GABBR2: variants seen among roughly 807,000 people sequenced by gnomAD.
GABBR2 encodes gamma-aminobutyric acid type B receptor subunit 2, also known as G-protein coupled receptor 51.
Under a neutral mutation model 105.6 loss-of-function variants are expected in GABBR2, and 23 were observed. The observed-to-expected ratio is 0.22, with a 90% CI of 0.16 to 0.31. GABBR2 has a LOEUF of 0.31. Ranked by LOEUF, GABBR2 falls within the 10% of genes least tolerant of loss-of-function variation. The probability of loss-of-function intolerance (pLI) is 1.00; values close to 1 mark genes in which losing one functional copy is unlikely to be tolerated. For missense variants in GABBR2, 734 were observed against 1,245.5 expected (o/e 0.59, Z 6.18); for synonymous variants, 478 against 499.7 (o/e 0.96, Z 0.58).
chr9:98,419,247 G>T (rs1234564391), intron 7 of GABBR2, among the ~76,000 whole-genome samples: 1 of 152,208 alleles, frequency 6.6e-6, no homozygotes, highest in African/African-American at 2.4e-5. Flanking sequence ...CTCAGAAAGG[G>T]TATCCTGCTG....
chr9:98,350,361 A>G (rs1035819090), intron 13 of GABBR2, among the ~76,000 whole-genome samples: 1 of 151,356 alleles, frequency 6.6e-6, no homozygotes, highest in African/African-American at 2.4e-5. Flanking sequence ...TACTTTTTTG[A>G]TGTGAGTGTT....
At chr9:98,539,378 G>A (rs958902771) in intron 3 of GABBR2, among the ~76,000 whole-genome samples, 25 of 152,200 alleles carry the variant, frequency 1.6e-4, no homozygotes, top group African/African-American at 5.8e-4. Context: ...TAGTTCCTAT[G>A]CAATTCCAGG....
chr9:98,487,756 T>C (rs998411449), intron 4 of GABBR2, among the ~76,000 whole-genome samples: 42 of 152,040 alleles, frequency 2.8e-4, no homozygotes, highest in African/African-American at 9.4e-4. Flanking sequence ...CCAGCCTGGG[T>C]TACAGAGTGA....
At chr9:98,397,374 G>A (rs547355337) in intron 8 of GABBR2, among the ~76,000 whole-genome samples, 46 of 152,068 alleles carry the variant, frequency 3.0e-4, no homozygotes, top group African/African-American at 9.9e-4. Context: ...CACCCATTAC[G>A]TGCCAGGCTC....
At chr9:98,304,631 T>C (rs7848116) in intron 15 of GABBR2, among the ~76,000 whole-genome samples, 74,055 of 152,080 alleles carry the variant, frequency 0.49, 21,398 homozygotes, top group African/African-American at 0.8. Flanking sequence ...TGACTGCATG[T>C]CCAGGAGGAT....
chr9:98,391,067 C>T (rs993298271), intron 9 of GABBR2, among the ~76,000 whole-genome samples: 1 of 152,144 alleles, frequency 6.6e-6, no homozygotes, highest in African/African-American at 2.4e-5. Context: ...CATTGCCATT[C>T]ACTCATTCAT....
At chr9:98,311,060 T>TC (rs1830627941) in intron 14 of GABBR2, 35 bp downstream of exon 14, 1 of 1,145,002 alleles carries the variant, frequency 8.7e-7, no homozygotes, top group Non-Finnish European at 1.3e-6. Context: ...CAAAGAAGTG[T>TC]CCCCCCTCAA....
intron 12 of GABBR2, among the ~76,000 whole-genome samples, chr9:98,365,169 A>C (rs1421903513): frequency 6.6e-6 from 1 of 152,226 alleles, no homozygotes; most frequent in Non-Finnish European, 1.5e-5. Context: ...ATCTTGAGCA[A>C]GCTGCTTAAC....
At chr9:98,574,697 T>C (rs1355682420) in intron 2 of GABBR2, among the ~76,000 whole-genome samples, 1 of 152,206 alleles carries the variant, frequency 6.6e-6, no homozygotes, top group Non-Finnish European at 1.5e-5. Flanking sequence ...TGTCTTATCA[T>C]CTCCTCTAGG....
intron 14 of GABBR2, among the ~76,000 whole-genome samples, chr9:98,308,294 G>A (rs1370953931): frequency 1.3e-5 from 2 of 152,178 alleles, no homozygotes; most frequent in Non-Finnish European, 2.9e-5. Flanking sequence ...TCTAAAGAGT[G>A]TCAGGAGGAA....
chr9:98,661,668 T>C (rs1160585583), intron 1 of GABBR2, among the ~76,000 whole-genome samples: 1 of 152,242 alleles, frequency 6.6e-6, no homozygotes, highest in African/African-American at 2.4e-5. Flanking sequence ...CCCAAAGTGC[T>C]GGGATTACAG....
intron 6 of GABBR2, 119 bp downstream of exon 6, chr9:98,473,027 G>T: frequency 1.4e-6 from 1 of 738,732 alleles, no homozygotes; most frequent in Non-Finnish European, 2.3e-6. Flanking sequence ...GCTCAGAGAG[G>T]TCAAGTGATT....
intron 9 of GABBR2, among the ~76,000 whole-genome samples, chr9:98,391,303 C>T (rs1257979448): frequency 6.6e-6 from 1 of 152,202 alleles, no homozygotes; most frequent in Non-Finnish European, 1.5e-5. Flanking sequence ...ATCCACCCAA[C>T]AGCCTCAGGG....
At position 98,371,463 on chromosome 9, in the gene GABBR2, C is replaced by T; in HGVS notation, c.1770+1G>A. 6.7e-7 allele frequency: 1 copy of T among 1,484,284 alleles called. No individual in the cohort carries two copies. The highest frequency in any genetic ancestry group is 9.4e-7 in the Non-Finnish European group (1 of 1,061,454). 91.9% of individuals were successfully genotyped at this position (1,484,284 alleles called of 1,614,324 possible). On this transcript the variant is annotated splice_donor_variant, in intron 12 of 18. Transcript: ENST00000259455. LOFTEE classifies it high-confidence loss of function. ...CCCTGAAACAGAAGGAGAGTGATTA[C>T]CTTCTTCTTCATTTTCACATTTTTG...
intron 1 of GABBR2, among the ~76,000 whole-genome samples, chr9:98,688,411 A>ATATATATATATATATATATAT (rs397737112): frequency 1.8e-4 from 26 of 148,188 alleles, no homozygotes; most frequent in Non-Finnish European, 2.3e-4. Flanking sequence ...ATATATATAT[A>ATATATATATATATATATATAT]AAATCTCCAG....
At chr9:98,508,210 A>T (rs1287712260) in intron 3 of GABBR2, among the ~76,000 whole-genome samples, 11 of 152,236 alleles carry the variant, frequency 7.2e-5, no homozygotes, top group African/African-American at 2.2e-4. Flanking sequence ...ACACCAAACT[A>T]GAAGACGGAT....
intron 3 of GABBR2, among the ~76,000 whole-genome samples, chr9:98,498,215 A>G (rs1382774694): frequency 6.6e-6 from 1 of 150,556 alleles, no homozygotes; most frequent in Non-Finnish European, 1.5e-5. Flanking sequence ...AATGGTGGTT[A>G]CCAGCAGCTG....
intron 2 of GABBR2, among the ~76,000 whole-genome samples, chr9:98,568,318 G>A (rs148609880): frequency 4.3e-4 from 65 of 152,318 alleles, no homozygotes; most frequent in African/African-American, 1.5e-3. Context: ...GGGCAGAAAT[G>A]GAGACAATGA....
At position 98,684,169 on chromosome 9, in the gene GABBR2, TAAAAAA is replaced by T. The variant is rs3032196; in HGVS notation, c.321+24242_321+24247del. Among the ~76,000 whole-genome samples, 44 of 66,140 alleles carry T rather than the reference TAAAAAA, an allele frequency of 6.7e-4. 1 individual carries two copies. Among genetic ancestry groups the T allele is most frequent in the East Asian group, 3.7e-3 (7 of 1,890 alleles). 43.4% of individuals were successfully genotyped at this position (66,140 alleles called of 152,430 possible). A position where few individuals can be genotyped will look rare whatever the true frequency, so the allele number is the denominator to read the frequency against. On this transcript the variant is annotated intron_variant, in intron 1 of 18. Transcript: ENST00000259455. The stretch of plus-strand genomic sequence containing the variant: ...AAAAGAAGAATGCATTTTACCACGG[TAAAAAA>T]AAAAAAAAAAAAAAAAAAAATTGGT...
Sources: gnomAD v4.1 joint callset for allele counts (sites outside exome capture counted in the v4.1 genomes callset) on GRCh38, gnomAD v4.1.1 for gene constraint, MANE v1.5 for transcripts, NCBI Gene and HGNC (gene_info 2026-07-23, HGNC 2026-07-21) for gene names.